NBPF11: variants seen among roughly 807,000 people sequenced by gnomAD.
NBPF11 encodes NBPF member 11.
In NBPF11, 72 loss-of-function variants were observed where a neutral mutation model predicts 93.9. That is an observed-to-expected ratio of 0.77 (90% CI 0.63 to 0.93). The LOEUF is 0.93. Ranked by LOEUF, NBPF11 falls within the 40% of genes least tolerant of loss-of-function variation. NBPF11 has a pLI of 0.00. For missense variants in NBPF11, 705 were observed against 802.2 expected, an observed-to-expected ratio of 0.88 and a Z score of 1.46; for synonymous variants, 224 against 304.9, an observed-to-expected ratio of 0.73 and a Z score of 2.76.
At chr1:148,142,072 GAAAGGA>G (rs1672280669) in intron 2 of NBPF11, among the ~76,000 whole-genome samples, 1 of 143,598 alleles carries the variant, frequency 7.0e-6, no homozygotes, top group African/African-American at 2.6e-5. Flanking sequence ...AAGGGAGGAA[GAAAGGA>G]AGGGAGGGAA....
intron 14 of NBPF11, among the ~76,000 whole-genome samples, chr1:148,115,429 C>A (rs1411610018): frequency 1.7e-4 from 25 of 149,990 alleles, no homozygotes; most frequent in Admixed American, 1.3e-3. Context: ...AAAGGCAAGG[C>A]TGCCAGGTTC....
chr1:148,111,358 G>A (rs1297039743), intron 15 of NBPF11, among the ~76,000 whole-genome samples: 3 of 152,112 alleles, frequency 2.0e-5, no homozygotes, highest in East Asian at 3.9e-4. Context: ...CCAAAGGATC[G>A]CAGCTCCTCG....
At chr1:148,132,098 T>G (rs1316318127) in intron 4 of NBPF11, among the ~76,000 whole-genome samples, 1 of 147,236 alleles carries the variant, frequency 6.8e-6, no homozygotes, top group African/African-American at 2.5e-5. Context: ...ATTGTTTCAT[T>G]GTGCTGTTTA....
chr1:148,116,951 C>T lies in NBPF11; in HGVS notation c.1307-416G>A, dbSNP rs1223585168. On this transcript the variant is annotated intron_variant, in intron 12 of 23. Transcript: ENST00000682118. ...CAGTCCTCTATGCATCAGAAGATTT[C>T]AAGCCTCCAAGTGGCTTCTGCTGTG... Among the ~76,000 whole-genome samples, 4 of 152,230 alleles carry T rather than the reference C, an allele frequency of 2.6e-5. No homozygotes were observed. The East Asian group carries it at 7.7e-4, about 29-fold the overall frequency.
intron 1 of NBPF11, chr1:148,146,647 AC>A: frequency 6.2e-7 from 1 of 1,611,576 alleles, no homozygotes; most frequent in African/African-American, 1.3e-5. Context: ...CGAGCTGGAC[AC>A]CATCGAGGTC....
chr1:148,121,873 C>T (rs1161158142), intron 9 of NBPF11, among the ~76,000 whole-genome samples, 182 bp downstream of exon 9: 9 of 151,840 alleles, frequency 5.9e-5, no homozygotes, highest in Admixed American at 5.9e-4. Context: ...AACTCCTGAA[C>T]TCAAGTCATC....
chr1:148,121,527 T>C (rs1667859448), intron 9 of NBPF11, among the ~76,000 whole-genome samples: 1 of 151,492 alleles, frequency 6.6e-6, no homozygotes, highest in African/African-American at 2.4e-5. Context: ...TCTTTTTTTT[T>C]TGTATTTTTA....
Position 148,138,366 on chromosome 1 carries a change from C to T in NBPF11, c.-276-557G>A, listed in dbSNP as rs1366264383. Among the ~76,000 whole-genome samples the T allele has an allele frequency of 7.3e-5, 11 of 151,524 alleles. 1 individual carries two copies. The East Asian group carries it at 1.9e-3, about 27-fold the overall frequency. ...GGCCTTCCTTCCTCTTTTACTAATC[C>T]TCCTCAGCACAGACCCTTTACGGGT... On this transcript the variant is annotated intron_variant, in intron 2 of 23. Transcript: ENST00000682118.
intron 4 of NBPF11, among the ~76,000 whole-genome samples, chr1:148,134,726 T>C (rs1470268626): frequency 7.2e-5 from 11 of 151,894 alleles, no homozygotes; most frequent in African/African-American, 1.5e-4. Flanking sequence ...AAGTGCTACA[T>C]GGCATTGGGG....
At chr1:148,147,757 A>T (rs1225075130) in intron 1 of NBPF11, among the ~76,000 whole-genome samples, 8 of 151,866 alleles carry the variant, frequency 5.3e-5, no homozygotes, top group Non-Finnish European at 1.2e-4. Context: ...GTCCCCTGGC[A>T]CCACCCTGGC....
At chr1:148,123,732 T>C in intron 7 of NBPF11, 121 bp downstream of exon 7, 3 of 1,610,016 alleles carry the variant, frequency 1.9e-6, no homozygotes, top group South Asian at 2.2e-5. Context: ...GATCATGTCA[T>C]GGCCACATAT....
At chr1:148,125,866 C>G (rs1482981817) in intron 5 of NBPF11, among the ~76,000 whole-genome samples, 1 of 151,984 alleles carries the variant, frequency 6.6e-6, no homozygotes, top group Non-Finnish European at 1.5e-5. Flanking sequence ...GCTTTGCACA[C>G]TGCACTGCTG....
intron 4 of NBPF11, chr1:148,127,289 C>G: frequency 6.6e-6 from 1 of 151,116 alleles, no homozygotes; most frequent in East Asian, 1.4e-4. Flanking sequence ...AGGTAACCGT[C>G]TGCAGTTGCA....
At chr1:148,115,404 A>G (rs1301596365) in intron 14 of NBPF11, among the ~76,000 whole-genome samples, 1 of 149,986 alleles carries the variant, frequency 6.7e-6, no homozygotes, top group Non-Finnish European at 1.5e-5. Flanking sequence ...CCTGGGGAAA[A>G]ATATTTCCAA....
At chr1:148,111,019 T>C (rs1665121439) in intron 15 of NBPF11, among the ~76,000 whole-genome samples, 1 of 151,464 alleles carries the variant, frequency 6.6e-6, no homozygotes, top group African/African-American at 2.4e-5. Flanking sequence ...GCCAACATAC[T>C]ACCAACAAAT....
intron 6 of NBPF11, among the ~76,000 whole-genome samples, chr1:148,124,456 C>T (rs1397451651): frequency 1.3e-5 from 2 of 148,634 alleles, no homozygotes; most frequent in Admixed American, 6.8e-5. Flanking sequence ...AGGCCAGGTG[C>T]AGATGGGGCG....
chr1:148,131,683 CTG>C (rs1260840896), intron 4 of NBPF11, among the ~76,000 whole-genome samples: 2 of 81,994 alleles, frequency 2.4e-5, no homozygotes, highest in East Asian at 3.2e-4. Flanking sequence ...CCCAGTTCAT[CTG>C]TGTCTCGTTA....
intron 9 of NBPF11, among the ~76,000 whole-genome samples, 167 bp downstream of exon 9, chr1:148,121,888 C>A (rs1187423304): frequency 2.0e-5 from 3 of 151,836 alleles, no homozygotes; most frequent in Non-Finnish European, 4.4e-5. Context: ...GTCATCCTCC[C>A]ACTTGGGCCT....
chr1:148,108,495 A>G lies in NBPF11; in HGVS notation c.2013T>C (p.Ala671=). ...YVLEQQRIGL[A]VDMDEIEKYQ... The stretch of plus-strand genomic sequence containing the variant: ...AAAGGTACTCACCATCCATGTCAAC[A>G]GCCAAGCCAATACGCTGTTGCTCCA... Residue 671 remains alanine (A), a synonymous_variant, in exon 18 of 24, where the codon GCT becomes GCC. Transcript: ENST00000682118. The G allele has an allele frequency of 3.2e-6, 5 of 1,580,870 alleles. No individual in the cohort carries two copies. Among genetic ancestry groups the G allele is most frequent in the Non-Finnish European group, 4.3e-6 (5 of 1,153,292 alleles).
Sources: allele counts gnomAD v4.1 joint callset (sites outside exome capture counted in the v4.1 genomes callset), GRCh38; gene constraint gnomAD v4.1.1; transcripts MANE v1.5; gene names NCBI Gene and HGNC (gene_info 2026-07-23, HGNC 2026-07-21).